The following RASGRP3 variants were observed in gnomAD, a reference collection of about 807,000 sequenced individuals.
RASGRP3 encodes the protein RAS guanyl releasing protein 3.
RASGRP3 carries 54 observed loss-of-function variants against 82.7 expected under a neutral mutation model. That is an observed-to-expected ratio of 0.65 (90% CI 0.52 to 0.82). RASGRP3 has a LOEUF of 0.82. Among genes scored for constraint, RASGRP3 ranks in the 40% least tolerant of loss-of-function variants. The probability of loss-of-function intolerance (pLI) is 0.00; values close to 1 mark genes in which losing one functional copy is unlikely to be tolerated. For missense variants in RASGRP3, 861 were observed against 828.9 expected, an observed-to-expected ratio of 1.04 and a Z score of -0.48; for synonymous variants, 309 against 300.5, an observed-to-expected ratio of 1.03 and a Z score of -0.29.
upstream of RASGRP3, among the ~76,000 whole-genome samples, chr2:33,471,812 A>G (rs536008173): frequency 6.6e-5 from 10 of 152,116 alleles, no homozygotes; most frequent in African/African-American, 1.9e-4. Context: ...ATGTCTCCCA[A>G]TATTTGATAT....
intron 1 of RASGRP3, among the ~76,000 whole-genome samples, chr2:33,443,244 A>G (rs1477626403): frequency 6.6e-6 from 1 of 152,182 alleles, no homozygotes; most frequent in Non-Finnish European, 1.5e-5. Context: ...AACAACAAAA[A>G]CTCAAAACAA....
chr2:33,502,070 T>C lies in RASGRP3; in HGVS notation c.-260-9640T>C, dbSNP rs529465663. ...ATCAAATAGAACCAGCAAATTCTAC[T>C]TGGCTGTGAGGGATGGGAGAGATGG... is the stretch of plus-strand genomic sequence containing the variant. On this transcript the variant is annotated intron_variant, in intron 1 of 17. Coordinates refer to ENST00000403687, the MANE Select transcript of RASGRP3 (RefSeq NM_001139488.2). Among the ~76,000 whole-genome samples, 116 of 152,278 alleles carry C rather than the reference T, an allele frequency of 7.6e-4. 1 individual carries two copies. Among genetic ancestry groups the C allele is most frequent in the South Asian group, 5.6e-3 (27 of 4,818 alleles).
chr2:33,539,008 C>A lies in RASGRP3; in HGVS notation c.1162-86C>A, dbSNP rs565813757. ...GAGCCGAAATTACACCACTGCACTC[C>A]AGCCTGGGCGACAGAACCAGACCCT... On this transcript the variant is annotated intron_variant, in intron 11 of 17. Transcript: ENST00000403687. 17 of 973,572 alleles carry A rather than the reference C, an allele frequency of 1.7e-5. No homozygotes were observed. In the African/African-American group the frequency reaches 2.8e-4, roughly 16 times the overall value. 60.3% of individuals were successfully genotyped at this position (973,572 alleles called of 1,614,324 possible).
chr2:33,495,828 A>G (rs1373328319), intron 1 of RASGRP3, among the ~76,000 whole-genome samples: 2 of 152,186 alleles, frequency 1.3e-5, no homozygotes, highest in Non-Finnish European at 2.9e-5. Flanking sequence ...GGGATGGTAA[A>G]TGGTAATGTC....
At chr2:33,536,922 A>T (rs1331207297) in intron 11 of RASGRP3, among the ~76,000 whole-genome samples, 1 of 152,130 alleles carries the variant, frequency 6.6e-6, no homozygotes. Context: ...GTTACAGTTA[A>T]TGCTCTTTTA....
upstream of RASGRP3, among the ~76,000 whole-genome samples, chr2:33,475,033 G>T (rs1280049880): frequency 6.6e-6 from 1 of 152,184 alleles, no homozygotes. Context: ...GTAAATACAA[G>T]GGGGTAAGTA....
At chr2:33,504,428 C>A (rs1190249124) in intron 1 of RASGRP3, among the ~76,000 whole-genome samples, 1 of 152,210 alleles carries the variant, frequency 6.6e-6, no homozygotes. Flanking sequence ...GGGCTCTCTA[C>A]ACCTCCAGCC....
At chr2:33,450,577 A>G (rs1442956038) in intron 2 of RASGRP3, among the ~76,000 whole-genome samples, 1 of 152,086 alleles carries the variant, frequency 6.6e-6, no homozygotes, top group Non-Finnish European at 1.5e-5. Context: ...AAGGCTAAAT[A>G]GCACTCCATT....
chr2:33,455,697 T>A (rs558061411), intron 2 of RASGRP3, among the ~76,000 whole-genome samples: 1 of 152,374 alleles, frequency 6.6e-6, no homozygotes, highest in South Asian at 2.1e-4. Flanking sequence ...GTTTTCCCGA[T>A]AAGATTGATT....
chr2:33,445,354 T>G (rs1363124579), intron 1 of RASGRP3, among the ~76,000 whole-genome samples: 1 of 152,218 alleles, frequency 6.6e-6, no homozygotes, highest in East Asian at 1.9e-4. Context: ...TCTTGTCTTA[T>G]TCCATGAGGG....
intron 5 of RASGRP3, 45 bp from the exon 6 acceptor site, chr2:33,520,508 C>T: frequency 6.2e-7 from 1 of 1,608,554 alleles, no homozygotes; most frequent in Non-Finnish European, 8.5e-7. Flanking sequence ...CATAGATAAC[C>T]AACTTGCAAT....
intron 1 of RASGRP3, among the ~76,000 whole-genome samples, chr2:33,446,914 C>T (rs958972377): frequency 2.0e-5 from 3 of 151,670 alleles, no homozygotes; most frequent in Non-Finnish European, 4.4e-5. Flanking sequence ...GAGGCCGAGG[C>T]GGGTGCATTA....
chr2:33,554,129 C>CA (rs1263916071), intron 14 of RASGRP3, among the ~76,000 whole-genome samples: 1 of 152,130 alleles, frequency 6.6e-6, no homozygotes, highest in East Asian at 1.9e-4. Context: ...AGTTCCTTGT[C>CA]AAAAAGAAGT....
At chr2:33,458,726 C>T (rs6728868) in intron 2 of RASGRP3, among the ~76,000 whole-genome samples, 1 of 152,108 alleles carries the variant, frequency 6.6e-6, no homozygotes, top group East Asian at 1.9e-4. Flanking sequence ...CCTTTTTCCA[C>T]CAGCACCATT....
intron 1 of RASGRP3, chr2:33,436,600 C>G (rs1664936484): frequency 6.6e-6 from 1 of 152,158 alleles, no homozygotes; most frequent in Non-Finnish European, 1.5e-5. Context: ...AGGTAAGTGT[C>G]ATTTAAAAAT....
At chr2:33,548,744 T>C (rs1675082118) in intron 13 of RASGRP3, among the ~76,000 whole-genome samples, 1 of 152,158 alleles carries the variant, frequency 6.6e-6, no homozygotes, top group South Asian at 2.1e-4. Flanking sequence ...TCTCACTCTG[T>C]TGCCCAGGCT....
At chr2:33,484,038 C>G (rs1397894403) in intron 1 of RASGRP3, among the ~76,000 whole-genome samples, 1 of 152,114 alleles carries the variant, frequency 6.6e-6, no homozygotes, top group Non-Finnish European at 1.5e-5. Flanking sequence ...AGTCACTTCT[C>G]TGTTTTGTTT....
chr2:33,515,007 TAGA>T lies in RASGRP3; in HGVS notation c.-127-2_-127del. 3 of 803,732 alleles carry T rather than the reference TAGA, an allele frequency of 3.7e-6. No homozygotes were observed. The allele number at this position is 803,732 out of a possible 1,614,324, so 49.8% of individuals were successfully genotyped here. A position where few individuals can be genotyped will look rare whatever the true frequency, so the allele number is the denominator to read the frequency against. On this transcript the variant is annotated splice_acceptor_variant and 5_prime_UTR_variant, in exon 3 of 18. Transcript: ENST00000403687. LOFTEE classifies it low-confidence loss of function (5UTR_SPLICE). ...ACTTTCTCTCTTTTTTCTTTTTTTTTAGAGTTTTCTTGAAGTACAACTAAGGAC... is the reference window on the plus strand; with the variant it reads ...ACTTTCTCTCTTTTTTCTTTTTTTTTGTTTTCTTGAAGTACAACTAAGGAC...
In RASGRP3 at chr2:33,437,022, G is replaced by A. The variant is rs185489867; in HGVS notation, c.-385+431G>A. 2.2e-3 allele frequency among the ~76,000 whole-genome samples: 336 copies of A among 152,134 alleles called. 1 individual carries two copies. Among genetic ancestry groups the A allele is most frequent in the Non-Finnish European group, 3.8e-3 (259 of 67,994 alleles). ...GGCCTTCAAGCAGAAATGGACAATT[G>A]TATAAAAGTTATATATAAAATTTAA... On this transcript the variant is annotated intron_variant, in intron 1 of 18. Coordinates refer to the RASGRP3 transcript ENST00000402538.
Sources: allele counts gnomAD v4.1 joint callset (sites outside exome capture counted in the v4.1 genomes callset), GRCh38; gene constraint gnomAD v4.1.1; transcripts MANE v1.5; gene names NCBI Gene and HGNC (gene_info 2026-07-23, HGNC 2026-07-21).